Variants in CREB5 observed in about 807,000 individuals in gnomAD.
The protein encoded by CREB5 is cyclic AMP-responsive element-binding protein 5.
CREB5 carries 19 observed loss-of-function variants against 57.1 expected under a neutral mutation model. The ratio of observed to expected loss-of-function variants is 0.33; its 90% CI spans 0.23 to 0.49. CREB5 has a LOEUF of 0.49. CREB5 is among the 20% of genes least tolerant of loss of function. CREB5 has a pLI of 0.99. For missense variants in CREB5, 579 were observed against 671.6 expected, an observed-to-expected ratio of 0.86 and a Z score of 1.52; for synonymous variants, 238 against 238.3, an observed-to-expected ratio of 1.00 and a Z score of 0.01.
chr7:28,450,677 T>C (rs1401857814), intron 1 of CREB5, among the ~76,000 whole-genome samples: 1 of 152,216 alleles, frequency 6.6e-6, no homozygotes, highest in Non-Finnish European at 1.5e-5. Context: ...TTGTGGGTTC[T>C]AGATGGGAGA....
intron 5 of CREB5, among the ~76,000 whole-genome samples, chr7:28,596,929 A>C (rs563127349): frequency 2.9e-4 from 44 of 152,300 alleles, no homozygotes; most frequent in African/African-American, 1.1e-3. Context: ...TAGGGCCAAG[A>C]TAATACCATA....
intron 5 of CREB5, among the ~76,000 whole-genome samples, chr7:28,682,682 T>TGG (rs34179408): frequency 2.1e-3 from 225 of 109,242 alleles, no homozygotes; most frequent in African/African-American, 5.3e-3. Flanking sequence ...AACCTAAAAG[T>TGG]GGGGGGGGGG....
chr7:28,404,558 G>T (rs1787539087), intron 1 of CREB5, among the ~76,000 whole-genome samples: 1 of 152,124 alleles, frequency 6.6e-6, no homozygotes, highest in Admixed American at 6.6e-5. Context: ...TCATGCACAT[G>T]CTCCACCAGG....
intron 5 of CREB5, among the ~76,000 whole-genome samples, chr7:28,713,614 T>C (rs968679384): frequency 6.6e-6 from 1 of 152,176 alleles, no homozygotes; most frequent in Non-Finnish European, 1.5e-5. Context: ...TTAAGCACTG[T>C]GGTTGCTGCA....
intron 1 of CREB5, among the ~76,000 whole-genome samples, chr7:28,346,892 T>C (rs1786067914): frequency 6.6e-6 from 1 of 152,090 alleles, no homozygotes; most frequent in Admixed American, 6.5e-5. Context: ...GATGGGGACA[T>C]TAGAACTTTG....
intron 5 of CREB5, among the ~76,000 whole-genome samples, chr7:28,633,433 C>G (rs1798282878): frequency 6.6e-6 from 1 of 152,136 alleles, no homozygotes; most frequent in African/African-American, 2.4e-5. Context: ...ACTGAATATT[C>G]TCTCAGCTAG....
intron 1 of CREB5, among the ~76,000 whole-genome samples, chr7:28,309,244 C>G (rs1281019279): frequency 6.6e-6 from 1 of 152,184 alleles, no homozygotes; most frequent in Non-Finnish European, 1.5e-5. Context: ...TGCACACAAG[C>G]TATTGGTCTG....
chr7:28,322,006 G>C (rs547601420), intron 1 of CREB5, among the ~76,000 whole-genome samples: 29 of 152,114 alleles, frequency 1.9e-4, no homozygotes, highest in Non-Finnish European at 3.8e-4. Flanking sequence ...TTAGTGAGAC[G>C]AACACAAATT....
intron 5 of CREB5, among the ~76,000 whole-genome samples, chr7:28,574,166 T>C (rs1795816006): frequency 6.6e-6 from 1 of 151,892 alleles, no homozygotes; most frequent in South Asian, 2.1e-4. Flanking sequence ...GTTTCCCAGA[T>C]GGAAAAAAAG....
intron 4 of CREB5, among the ~76,000 whole-genome samples, chr7:28,543,091 C>T (rs540651799): frequency 1.0e-3 from 153 of 152,220 alleles, no homozygotes; most frequent in African/African-American, 3.6e-3. Flanking sequence ...CTATGAGCCT[C>T]AATACTTGCT....
intron 1 of CREB5, among the ~76,000 whole-genome samples, chr7:28,381,105 A>C (rs16874556): frequency 6.6e-6 from 1 of 151,946 alleles, no homozygotes; most frequent in Admixed American, 6.6e-5. Flanking sequence ...TAGGATCTTG[A>C]CCTCTCTTTA....
At chr7:28,511,799 G>A (rs1477012309) in intron 4 of CREB5, among the ~76,000 whole-genome samples, 1 of 152,242 alleles carries the variant, frequency 6.6e-6, no homozygotes, top group African/African-American at 2.4e-5. Flanking sequence ...ACAGTTTTGA[G>A]CAGAAAAGTG....
chr7:28,508,761 T>A (rs1792583882), intron 4 of CREB5, among the ~76,000 whole-genome samples: 1 of 152,154 alleles, frequency 6.6e-6, no homozygotes, highest in Non-Finnish European at 1.5e-5. Context: ...AAAATCTCAG[T>A]CAACTCGTTT....
At chr7:28,740,686 TCTC>T (rs1251960699) in intron 7 of CREB5, among the ~76,000 whole-genome samples, 1 of 152,194 alleles carries the variant, frequency 6.6e-6, no homozygotes, top group East Asian at 1.9e-4. Context: ...CTCTTTAAAA[TCTC>T]CTCTGAAATG....
At chr7:28,561,863 G>C (rs941575243) in intron 4 of CREB5, among the ~76,000 whole-genome samples, 8 of 152,188 alleles carry the variant, frequency 5.3e-5, no homozygotes, top group Admixed American at 1.3e-4. Context: ...CCCTGCCTCA[G>C]CCTCCCAAGT....
At chr7:28,551,972 T>TCTTTCTCTCTCTCTTTCTCTC (rs1794677915) in intron 4 of CREB5, among the ~76,000 whole-genome samples, 1 of 123,098 alleles carries the variant, frequency 8.1e-6, no homozygotes, top group Non-Finnish European at 1.6e-5. Flanking sequence ...TTTTATTCTC[T>TCTTTCTCTCTCTCTTTCTCTC]CTTTCTCTCT....
At chr7:28,635,451 G>C (rs527314599) in intron 5 of CREB5, among the ~76,000 whole-genome samples, 4 of 152,242 alleles carry the variant, frequency 2.6e-5, no homozygotes, top group African/African-American at 9.6e-5. Context: ...ACTATGCCAG[G>C]CAAGATTAAG....
At chr7:28,533,160 C>T (rs749020980) in intron 4 of CREB5, among the ~76,000 whole-genome samples, 9 of 152,008 alleles carry the variant, frequency 5.9e-5, no homozygotes, top group East Asian at 1.9e-4. Context: ...GAGCCGATAT[C>T]GTACCATTGC....
At chr7:28,714,651 T>G (rs6961477) in intron 5 of CREB5, among the ~76,000 whole-genome samples, 17,089 of 152,260 alleles carry the variant, frequency 0.11, 1,229 homozygotes, top group Middle Eastern at 0.2. Flanking sequence ...TTAAGGACAG[T>G]GAAAACACAG....
Sources: allele counts gnomAD v4.1 joint callset (sites outside exome capture counted in the v4.1 genomes callset), GRCh38; gene constraint gnomAD v4.1.1; transcripts MANE v1.5; gene names NCBI Gene and HGNC (gene_info 2026-07-23, HGNC 2026-07-21).